The following SLC44A1 variants were observed in gnomAD, a reference collection of about 807,000 sequenced individuals.
SLC44A1 encodes solute carrier family 44 member 1.
Under a neutral mutation model 79.3 loss-of-function variants are expected in SLC44A1, and 26 were observed. The observed-to-expected ratio is 0.33, with a 90% CI of 0.24 to 0.46. The LOEUF (loss-of-function observed/expected upper bound fraction) is 0.46. Ranked by LOEUF, SLC44A1 falls within the 20% of genes least tolerant of loss-of-function variation. SLC44A1 has a pLI of 1.00. For missense variants in SLC44A1, 688 were observed against 798.1 expected (o/e 0.86, Z 1.66); for synonymous variants, 263 against 286.2 (o/e 0.92, Z 0.82).
rs941311737 is a variant in SLC44A1 at position 105,396,200 on chromosome 9, G to T, written c.*7144G>T. On this transcript the variant is annotated 3_prime_UTR_variant, in exon 16 of 16. Coordinates refer to ENST00000374720, the MANE Select transcript of SLC44A1 (RefSeq NM_080546.5). ...TCTTCCCTATAAAAAGATACTGAGA[G>T]CTCCATAATGAAAGAAGTTGTTATA... The T allele has an allele frequency of 2.0e-6, 2 of 985,044 alleles. No individual in the cohort carries two copies. The highest frequency in any genetic ancestry group is 1.1e-4 in the East Asian group (1 of 8,818). The allele number at this position is 985,044 out of a possible 1,614,324, so 61.0% of individuals were successfully genotyped here.
At chr9:105,335,129 A>C (rs1826871523) in intron 3 of SLC44A1, among the ~76,000 whole-genome samples, 1 of 152,076 alleles carries the variant, frequency 6.6e-6, no homozygotes, top group East Asian at 1.9e-4. Flanking sequence ...TGTTCATATG[A>C]ATTATATATA....
chr9:105,307,353 T>C (rs1480031483), intron 2 of SLC44A1, among the ~76,000 whole-genome samples: 2 of 152,088 alleles, frequency 1.3e-5, no homozygotes, highest in Non-Finnish European at 2.9e-5. Context: ...TGTTAAAACA[T>C]GTGTTGGAGG....
At chr9:105,318,189 T>G (rs1300952333) in intron 3 of SLC44A1, among the ~76,000 whole-genome samples, 1 of 152,284 alleles carries the variant, frequency 6.6e-6, no homozygotes, top group East Asian at 1.9e-4. Flanking sequence ...TTTTGTTTGT[T>G]TGTTTTTTGA....
At chr9:105,351,634 GAAA>G (rs1564453027) in intron 5 of SLC44A1, among the ~76,000 whole-genome samples, 9 of 133,172 alleles carry the variant, frequency 6.8e-5, no homozygotes, top group Non-Finnish European at 8.1e-5. Context: ...GAGAGAAAGA[GAAA>G]GAAAGAAAGA....
chr9:105,313,462 T>G (rs1158868645), intron 3 of SLC44A1, among the ~76,000 whole-genome samples: 1 of 152,166 alleles, frequency 6.6e-6, no homozygotes, highest in South Asian at 2.1e-4. Flanking sequence ...AAATTGTTGG[T>G]CAGGGCTGGG....
At chr9:105,245,982 C>T (rs1829434369) in intron 1 of SLC44A1, among the ~76,000 whole-genome samples, 1 of 152,266 alleles carries the variant, frequency 6.6e-6, no homozygotes, top group South Asian at 2.1e-4. Flanking sequence ...ATCAAACTGT[C>T]TTGTGGTGGT....
Position 105,250,362 on chromosome 9 carries a change from C to CTATTTGATG in SLC44A1, c.36+5460_36+5468dup, listed in dbSNP as rs1039858821. On this transcript the variant is annotated intron_variant, in intron 1 of 15. Transcript: ENST00000374720. Reference sequence around the variant, plus strand: ...TTAACAAATACTATACTATCAAATACTATTTGATGTGTTAACAGTACAGTC... The same window carrying CTATTTGATG: ...TTAACAAATACTATACTATCAAATACTATTTGATGTATTTGATGTGTTAACAGTACAGTC... Among the ~76,000 whole-genome samples the CTATTTGATG allele has an allele frequency of 2.2e-4, 34 of 152,198 alleles. 1 individual carries two copies. The highest frequency in any genetic ancestry group is 8.2e-4 in the African/African-American group (34 of 41,498).
intron 1 of SLC44A1, among the ~76,000 whole-genome samples, chr9:105,281,094 T>A (rs1322692040): frequency 6.6e-6 from 1 of 152,136 alleles, no homozygotes; most frequent in Admixed American, 6.5e-5. Context: ...GAGCAAAAAA[T>A]TCACTGTTGT....
At chr9:105,339,731 G>A (rs573710006) in intron 4 of SLC44A1, among the ~76,000 whole-genome samples, 3 of 152,112 alleles carry the variant, frequency 2.0e-5, no homozygotes, top group African/African-American at 7.2e-5. Flanking sequence ...GGAGGCTGGG[G>A]CAGGAGGATC....
chr9:105,414,354 C>A (rs144664273), intron 15 of SLC44A1, among the ~76,000 whole-genome samples: 51 of 152,158 alleles, frequency 3.4e-4, no homozygotes, highest in African/African-American at 1.1e-3. Flanking sequence ...CACGCCCAGC[C>A]GACAGTTAGT....
At chr9:105,253,935 C>T (rs1829645624) in intron 1 of SLC44A1, among the ~76,000 whole-genome samples, 1 of 152,148 alleles carries the variant, frequency 6.6e-6, no homozygotes, top group Non-Finnish European at 1.5e-5. Flanking sequence ...GTTGGCCAGG[C>T]TGGTCTCGAA....
At chr9:105,348,766 A>G (rs1827315933) in intron 5 of SLC44A1, among the ~76,000 whole-genome samples, 1 of 152,244 alleles carries the variant, frequency 6.6e-6, no homozygotes, top group African/African-American at 2.4e-5. Context: ...AAAATCTGCA[A>G]CAAACTTAGA....
In SLC44A1 at chr9:105,396,097, A is replaced by G. The variant is rs1436711456; in HGVS notation, c.*7041A>G. The G allele has an allele frequency of 3.0e-6, 3 of 985,222 alleles. No homozygotes were observed. Among genetic ancestry groups the G allele is most frequent in the Non-Finnish European group, 3.6e-6 (3 of 829,914 alleles). The allele number at this position is 985,222 out of a possible 1,614,324, so 61.0% of individuals were successfully genotyped here. On this transcript the variant is annotated 3_prime_UTR_variant, in exon 16 of 16. Coordinates refer to ENST00000374720, the MANE Select transcript of SLC44A1 (RefSeq NM_080546.5). ...TATTTTGATTTTCAGAGATGATCAC[A>G]TGGGGACAGTTAACTTTTCTTCTGC...
chr9:105,317,231 T>A (rs1028354951), intron 3 of SLC44A1, among the ~76,000 whole-genome samples: 1 of 152,150 alleles, frequency 6.6e-6, no homozygotes, highest in African/African-American at 2.4e-5. Context: ...CAGTCTTGAA[T>A]CTCTCTGACC....
chr9:105,397,475 C>T, downstream of SLC44A1: 1 of 419,208 alleles, frequency 2.4e-6, no homozygotes, highest in Non-Finnish European at 3.2e-6. Context: ...CCAGCTGTTC[C>T]TTTCTGTCTC....
intron 15 of SLC44A1, among the ~76,000 whole-genome samples, chr9:105,405,199 C>T (rs551608807): frequency 1.3e-5 from 2 of 151,830 alleles, no homozygotes; most frequent in South Asian, 2.1e-4. Flanking sequence ...CGGGCACCTG[C>T]AATCCCAGCT....
chr9:105,290,187 T>C (rs1160429642), intron 1 of SLC44A1, among the ~76,000 whole-genome samples: 1 of 152,170 alleles, frequency 6.6e-6, no homozygotes, highest in Non-Finnish European at 1.5e-5. Flanking sequence ...ATATTGCATA[T>C]GCATGAAATT....
At chr9:105,258,776 C>G (rs896777714) in intron 1 of SLC44A1, among the ~76,000 whole-genome samples, 2 of 152,122 alleles carry the variant, frequency 1.3e-5, no homozygotes, top group Non-Finnish European at 2.9e-5. Context: ...CAACCCCTAC[C>G]TCCCGGATTC....
In SLC44A1 at chr9:105,358,460, A is replaced by G. The variant is rs774709852; in HGVS notation, c.760+27A>G. 4.2e-6 allele frequency: 5 copies of G among 1,193,884 alleles called. No individual in the cohort carries two copies. In the Admixed American group the frequency reaches 5.3e-5, roughly 13 times the overall value. The allele number at this position is 1,193,884 out of a possible 1,614,324, so 74.0% of individuals were successfully genotyped here. A position where few individuals can be genotyped will look rare whatever the true frequency, so the allele number is the denominator to read the frequency against. On this transcript the variant is annotated intron_variant, in intron 7 of 15. Transcript: ENST00000374720. Reference sequence around the variant, plus strand: ...TAAGCTATTTATTTCTTTGTTTTCTACCTCAGCCTCTTAACTACTTTGGTA... The same window carrying G: ...TAAGCTATTTATTTCTTTGTTTTCTGCCTCAGCCTCTTAACTACTTTGGTA...
Sources: gnomAD v4.1 joint callset for allele counts (sites outside exome capture counted in the v4.1 genomes callset) on GRCh38, gnomAD v4.1.1 for gene constraint, MANE v1.5 for transcripts, NCBI Gene and HGNC (gene_info 2026-07-23, HGNC 2026-07-21) for gene names.